PRPF18: variants seen among roughly 807,000 people sequenced by gnomAD.
The protein encoded by PRPF18 is pre-mRNA-splicing factor 18.
PRPF18 carries 38 observed loss-of-function variants against 46.5 expected under a neutral mutation model. The observed-to-expected ratio is 0.82, with a 90% CI of 0.63 to 1.07. The LOEUF is 1.07. PRPF18 is among the 50% of genes least tolerant of loss of function. The probability of loss-of-function intolerance (pLI) is 0.00; values close to 1 mark genes in which losing one functional copy is unlikely to be tolerated. For synonymous variants in PRPF18, 152 were observed against 146.7 expected (o/e 1.04, Z -0.26); for missense variants, 263 against 410.0 (o/e 0.64, Z 3.10).
chr10:13,606,861 T>G (rs188540545), intron 4 of PRPF18, among the ~76,000 whole-genome samples: 1 of 152,144 alleles, frequency 6.6e-6, no homozygotes, highest in Admixed American at 6.6e-5. Context: ...TACCTAGAAG[T>G]AGAATTGCTG....
chr10:13,587,659 C>T (rs1038843843), intron 1 of PRPF18, among the ~76,000 whole-genome samples: 1 of 152,214 alleles, frequency 6.6e-6, no homozygotes, highest in Middle Eastern at 3.2e-3. Flanking sequence ...ACAGACCGAA[C>T]CCTTCATCCA....
At chr10:13,590,599 C>T (rs1473594170) in intron 1 of PRPF18, among the ~76,000 whole-genome samples, 13 of 141,336 alleles carry the variant, frequency 9.2e-5, no homozygotes, top group South Asian at 2.2e-4. Flanking sequence ...GCAGCCTGGG[C>T]GACAGAGCGA....
rs1417350608 is a variant in PRPF18 at position 13,619,613 on chromosome 10, G to A, written c.948+3060G>A. 2.6e-5 allele frequency among the ~76,000 whole-genome samples: 4 copies of A among 152,138 alleles called. No individual in the cohort carries two copies. The East Asian group carries it at 5.8e-4, about 22-fold the overall frequency. ...GAGTGAGCTGAGGGTTAAACCTCTG[G>A]CTTCTGTCTTCCACTTTCCTACTCC... On this transcript the variant is annotated intron_variant, in intron 9 of 9. Coordinates refer to ENST00000378572, the MANE Select transcript of PRPF18 (RefSeq NM_003675.4).
chr10:13,587,821 G>T (rs959162098), intron 1 of PRPF18, among the ~76,000 whole-genome samples: 1 of 152,186 alleles, frequency 6.6e-6, no homozygotes, highest in African/African-American at 2.4e-5. Flanking sequence ...CTTCATTCCT[G>T]TGTTTTGTTA....
At chr10:13,620,272 T>C (rs767903118) in intron 9 of PRPF18, among the ~76,000 whole-genome samples, 49 of 152,302 alleles carry the variant, frequency 3.2e-4, no homozygotes, top group Admixed American at 6.5e-4. Flanking sequence ...AGTAAAACCA[T>C]GTAGAAAAGA....
intron 1 of PRPF18, among the ~76,000 whole-genome samples, chr10:13,593,355 A>G (rs1234668557): frequency 2.0e-5 from 3 of 152,220 alleles, no homozygotes; most frequent in Non-Finnish European, 4.4e-5. Context: ...ATGAGCAGTT[A>G]AATCGAAGAC....
intron 2 of PRPF18, among the ~76,000 whole-genome samples, chr10:13,598,430 G>A (rs1024023225): frequency 6.6e-6 from 1 of 152,104 alleles, no homozygotes; most frequent in Non-Finnish European, 1.5e-5. Flanking sequence ...TCTGGAAATG[G>A]ATTTATCCTG....
chr10:13,616,182 CT>C (rs547696872), intron 8 of PRPF18, among the ~76,000 whole-genome samples: 194 of 152,250 alleles, frequency 1.3e-3, no homozygotes, highest in African/African-American at 4.4e-3. Flanking sequence ...GCTTTGGTTT[CT>C]GTTTTTTCCA....
chr10:13,652,450 G>A, the PRPF18 span: 1 of 165,088 alleles, frequency 6.1e-6, no homozygotes, highest in Non-Finnish European at 1.3e-5. Context: ...GATCTAGAGA[G>A]GGATCTTGCA....
chr10:13,628,516 A>G (rs1467553925), intron 9 of PRPF18, among the ~76,000 whole-genome samples: 3 of 152,196 alleles, frequency 2.0e-5, no homozygotes, highest in African/African-American at 4.8e-5. Context: ...TGCTATTTAA[A>G]TAGTTATTAT....
At chr10:13,594,997 A>G (rs747126271) in intron 1 of PRPF18, among the ~76,000 whole-genome samples, 9 of 152,232 alleles carry the variant, frequency 5.9e-5, no homozygotes, top group Non-Finnish European at 1.3e-4. Context: ...AGATTTAGGA[A>G]AATTATGCTA....
the PRPF18 span, chr10:13,637,916 A>T: frequency 6.6e-6 from 1 of 152,312 alleles, no homozygotes; most frequent in South Asian, 2.1e-4. Flanking sequence ...TTGATGTGCA[A>T]GTTCATGTGC....
intron 9 of PRPF18, among the ~76,000 whole-genome samples, chr10:13,629,167 AG>A: frequency 6.6e-6 from 1 of 152,228 alleles, no homozygotes; most frequent in Non-Finnish European, 1.5e-5. Flanking sequence ...TAGAGACAAA[AG>A]GCACTTGAAT....
chr10:13,614,069 C>A lies in PRPF18; in HGVS notation c.775C>A (p.Gln259Lys). The A allele has an allele frequency of 6.3e-7, 1 of 1,582,862 alleles. No individual in the cohort carries two copies. The highest frequency in any genetic ancestry group is 8.6e-7 in the Non-Finnish European group (1 of 1,160,238). ...AACGGATATTATTAAATTCATGTTG[C>A]AGAGAGAATACGTGAAGGTACATTC... is the stretch of plus-strand genomic sequence containing the variant. ...SITDIIKFML[Q>K]REYVKANDAY... Residue 259 changes from glutamine to lysine, a missense_variant, in exon 8 of 10, where the codon CAG becomes AAG. By Grantham distance (53) the Gln-to-Lys change is moderately conservative. Transcript: ENST00000378572.
chr10:13,625,996 A>G (rs531859530), intron 9 of PRPF18, among the ~76,000 whole-genome samples: 1 of 152,332 alleles, frequency 6.6e-6, no homozygotes, highest in East Asian at 1.9e-4. Flanking sequence ...CAGCCACAAT[A>G]TGAGATGGAC....
chr10:13,645,701 G>A, the PRPF18 span: 4 of 152,454 alleles, frequency 2.6e-5, no homozygotes, highest in African/African-American at 9.7e-5. Flanking sequence ...GTAGACACAC[G>A]AGTCAAATCT....
At chr10:13,605,447 T>G (rs2080168855) in intron 3 of PRPF18, among the ~76,000 whole-genome samples, 184 bp from the exon 4 acceptor site, 2 of 151,956 alleles carry the variant, frequency 1.3e-5, no homozygotes, top group Admixed American at 1.3e-4. Flanking sequence ...CTGGGTGTGG[T>G]GGCGGGCGCC....
chr10:13,603,413 A>G (rs1389584364), intron 3 of PRPF18, among the ~76,000 whole-genome samples: 1 of 152,224 alleles, frequency 6.6e-6, no homozygotes, highest in Non-Finnish European at 1.5e-5. Flanking sequence ...CCTTGCCTTT[A>G]GACAGAACCA....
intron 3 of PRPF18, among the ~76,000 whole-genome samples, chr10:13,602,064 A>G (rs1031905064): frequency 3.3e-5 from 5 of 152,232 alleles, no homozygotes; most frequent in African/African-American, 1.2e-4. Flanking sequence ...ATTGTCCTAC[A>G]AAGAAGCTGT....
Sources: allele counts gnomAD v4.1 joint callset (sites outside exome capture counted in the v4.1 genomes callset), GRCh38; gene constraint gnomAD v4.1.1; transcripts MANE v1.5; gene names NCBI Gene and HGNC (gene_info 2026-07-23, HGNC 2026-07-21).